The following RAB6A variants were observed in gnomAD, a reference collection of about 807,000 sequenced individuals.
RAB6A encodes ras-related protein Rab-6A.
Under a neutral mutation model 32.3 loss-of-function variants are expected in RAB6A, and 8 were observed. The observed-to-expected ratio is 0.25, with a 90% confidence interval of 0.15 to 0.45. The LOEUF (loss-of-function observed/expected upper bound fraction) is 0.45, where lower values mean the gene tolerates loss of function less well. Ranked by LOEUF, RAB6A falls within the 20% of genes least tolerant of loss-of-function variation. The pLI is 1.00. For missense variants in RAB6A, 104 were observed against 249.4 expected (o/e 0.42, Z 3.93); for synonymous variants, 73 against 82.1 (o/e 0.89, Z 0.60).
chr11:73,720,281 A>T (rs1479988905), intron 3 of RAB6A, among the ~76,000 whole-genome samples: 1 of 150,934 alleles, frequency 6.6e-6, no homozygotes, highest in Non-Finnish European at 1.5e-5. Flanking sequence ...CCTGGATTCA[A>T]GCGATTCTCC....
In RAB6A at chr11:73,677,718, G is replaced by T; in HGVS notation, c.*180C>A. 2 of 1,412,364 alleles carry T rather than the reference G, an allele frequency of 1.4e-6. No homozygotes were observed. The highest frequency in any genetic ancestry group is 3.2e-5 in the South Asian group (2 of 62,766). 87.5% of individuals were successfully genotyped at this position (1,412,364 alleles called of 1,614,324 possible). A position where few individuals can be genotyped will look rare whatever the true frequency, so the allele number is the denominator to read the frequency against. ...GTAAAATATAAATAATGAAGACACT[G>T]ACTTTTGTTGTGCTTGTGAAGCTAA... is the stretch of plus-strand genomic sequence containing the variant. On this transcript the variant is annotated 3_prime_UTR_variant, in exon 8 of 8. Coordinates refer to ENST00000336083, the MANE Select transcript of RAB6A (RefSeq NM_198896.2).
At chr11:73,747,324 G>A (rs1946605470) in intron 1 of RAB6A, among the ~76,000 whole-genome samples, 1 of 151,618 alleles carries the variant, frequency 6.6e-6, no homozygotes, top group African/African-American at 2.4e-5. Context: ...TCCTGCCTCA[G>A]CCTCCATAGC....
chr11:73,686,641 G>A (rs1945461111), intron 6 of RAB6A, among the ~76,000 whole-genome samples: 1 of 152,080 alleles, frequency 6.6e-6, no homozygotes, highest in Non-Finnish European at 1.5e-5. Context: ...GGAAAGGTTT[G>A]GCTACTTTCT....
At chr11:73,684,865 G>A (rs1009066499) in intron 6 of RAB6A, among the ~76,000 whole-genome samples, 4 of 152,182 alleles carry the variant, frequency 2.6e-5, no homozygotes, top group South Asian at 2.1e-4. Flanking sequence ...AAATAATTAC[G>A]ATAAGGATAT....
chr11:73,750,780 A>G (rs1946659748), intron 1 of RAB6A, among the ~76,000 whole-genome samples: 1 of 152,164 alleles, frequency 6.6e-6, no homozygotes, highest in Admixed American at 6.5e-5. Context: ...TAATGCTACT[A>G]TGAGTATGGG....
intron 2 of RAB6A, among the ~76,000 whole-genome samples, chr11:73,726,750 A>T (rs1449677957): frequency 7.3e-6 from 1 of 136,878 alleles, no homozygotes; most frequent in Admixed American, 7.4e-5. Context: ...ACCCTGTCTT[A>T]AAAAAAAAAA....
intron 1 of RAB6A, among the ~76,000 whole-genome samples, chr11:73,757,979 T>TA (rs200287939): frequency 0.012 from 1,820 of 152,210 alleles, 21 homozygotes; most frequent in Non-Finnish European, 0.017. Flanking sequence ...AACAAACACA[T>TA]AAAAAATAAG....
intron 6 of RAB6A, among the ~76,000 whole-genome samples, chr11:73,693,538 A>G (rs1385462077): frequency 3.3e-5 from 5 of 149,824 alleles, no homozygotes; most frequent in Non-Finnish European, 7.4e-5. Flanking sequence ...CAGCCTGGGC[A>G]ACATAGCAAG....
In RAB6A at chr11:73,733,257, C is replaced by T. The variant is rs903444795; in HGVS notation, c.71-2434G>A. Among the ~76,000 whole-genome samples the T allele has an allele frequency of 2.0e-5, 3 of 152,126 alleles. No individual in the cohort carries two copies. The East Asian group carries it at 5.8e-4, about 29-fold the overall frequency. On this transcript the variant is annotated intron_variant, in intron 1 of 7. Transcript: ENST00000336083. ...TCCCTTGCTGGAATTAATTCTCCAG[C>T]TGTATTTTAGGCCAGGCGCGGTGGC...
At chr11:73,722,089 T>C (rs1404975) in intron 2 of RAB6A, among the ~76,000 whole-genome samples, 134,482 of 149,260 alleles carry the variant, frequency 0.9, 61,197 homozygotes, top group East Asian at 1. Context: ...CCCAGCCATG[T>C]GGAACTTGAG....
rs1946686703 is a variant in RAB6A at position 73,752,724 on chromosome 11, G to A, written c.70+7842C>T. On this transcript the variant is annotated intron_variant, in intron 1 of 7. Coordinates refer to ENST00000336083, the MANE Select transcript of RAB6A (RefSeq NM_198896.2). ...TTCCAGCTACTCAAGAGGCCGAGGTGGGAGGATCACTTGAGCCTGGAAGGC... is the reference window on the plus strand; with the variant it reads ...TTCCAGCTACTCAAGAGGCCGAGGTAGGAGGATCACTTGAGCCTGGAAGGC... 2.6e-5 allele frequency among the ~76,000 whole-genome samples: 4 copies of A among 151,764 alleles called. No homozygotes were observed. The South Asian group carries it at 8.3e-4, about 32-fold the overall frequency.
At chr11:73,737,338 A>G (rs1036341550) in intron 1 of RAB6A, among the ~76,000 whole-genome samples, 7 of 152,106 alleles carry the variant, frequency 4.6e-5, no homozygotes, top group African/African-American at 1.7e-4. Flanking sequence ...TTTAAAATTT[A>G]CTAGAGTGTG....
intron 6 of RAB6A, among the ~76,000 whole-genome samples, chr11:73,683,075 G>A (rs367855445): frequency 6.6e-6 from 1 of 151,664 alleles, no homozygotes; most frequent in Admixed American, 6.6e-5. Context: ...AATATCAGCT[G>A]AAAACTTGAA....
At chr11:73,731,811 G>A (rs376797133) in intron 1 of RAB6A, among the ~76,000 whole-genome samples, 25 of 145,726 alleles carry the variant, frequency 1.7e-4, no homozygotes, top group African/African-American at 6.1e-4. Context: ...GGAAGATCTC[G>A]GCTCACTGCA....
chr11:73,742,809 CA>C (rs1287505181), intron 1 of RAB6A, among the ~76,000 whole-genome samples: 131 of 142,208 alleles, frequency 9.2e-4, no homozygotes, highest in Non-Finnish European at 9.6e-4. Context: ...AAATCTGTCT[CA>C]AAAAAAAAAA....
rs537976584 is a variant in RAB6A at position 73,677,628 on chromosome 11, T to G, written c.*270A>C. On this transcript the variant is annotated 3_prime_UTR_variant, in exon 8 of 8. Coordinates refer to ENST00000336083, the MANE Select transcript of RAB6A (RefSeq NM_198896.2). ...ATCATAACATTAAAAAAGAAAAAAA[T>G]GTTAAGAAAATGTATCTAATTTTTA... The G allele has an allele frequency of 1.2e-6, 1 of 815,412 alleles. No homozygotes were observed. Among genetic ancestry groups the G allele is most frequent in the Admixed American group, 3.3e-5 (1 of 30,288 alleles). The allele number at this position is 815,412 out of a possible 1,614,324, so 50.5% of individuals were successfully genotyped here. A position where few individuals can be genotyped will look rare whatever the true frequency, so the allele number is the denominator to read the frequency against.
In RAB6A at chr11:73,733,626, T is replaced by C. The variant is rs540615072; in HGVS notation, c.71-2803A>G. The stretch of plus-strand genomic sequence containing the variant: ...GACAAATTGTGGCATAGTCATAAAA[T>C]GAAATATTACAATGACAAAATATCC... On this transcript the variant is annotated intron_variant, in intron 1 of 7. Coordinates refer to ENST00000336083, the MANE Select transcript of RAB6A (RefSeq NM_198896.2). Among the ~76,000 whole-genome samples the C allele has an allele frequency of 1.3e-3, 199 of 151,824 alleles. 1 individual carries two copies. Among genetic ancestry groups the C allele is most frequent in the African/African-American group, 4.6e-3 (190 of 41,498 alleles).
At chr11:73,750,722 T>C (rs980762096) in intron 1 of RAB6A, among the ~76,000 whole-genome samples, 4 of 152,228 alleles carry the variant, frequency 2.6e-5, no homozygotes, top group Non-Finnish European at 5.9e-5. Flanking sequence ...GTTTATTAAT[T>C]CATCTGTGGA....
chr11:73,758,319 A>T (rs1946791722), intron 1 of RAB6A, among the ~76,000 whole-genome samples: 1 of 152,220 alleles, frequency 6.6e-6, no homozygotes, highest in African/African-American at 2.4e-5. Flanking sequence ...AATCTAAATA[A>T]ACTATGGACT....
Sources: allele counts gnomAD v4.1 joint callset (sites outside exome capture counted in the v4.1 genomes callset), GRCh38; gene constraint gnomAD v4.1.1; transcripts MANE v1.5; gene names NCBI Gene and HGNC (gene_info 2026-07-23, HGNC 2026-07-21).